GLIS3: variants seen among roughly 807,000 people sequenced by gnomAD.
The protein encoded by GLIS3 is GLIS family zinc finger 3, also known as zinc finger protein GLIS3.
In GLIS3, 53 loss-of-function variants were observed where a neutral mutation model predicts 78.6. The observed-to-expected ratio is 0.67, with a 90% CI of 0.54 to 0.85. GLIS3 has a LOEUF of 0.85. Ranked by LOEUF, GLIS3 falls within the 40% of genes least tolerant of loss-of-function variation. The pLI is 0.00. For missense variants in GLIS3, 1,703 were observed against 1,231.1 expected (o/e 1.38, Z -5.74); for synonymous variants, 684 against 509.9 (o/e 1.34, Z -4.60).
chr9:3,920,130 A>C lies in GLIS3; in HGVS notation c.1983+12230T>G, dbSNP rs569791549. Among the ~76,000 whole-genome samples, 65 of 151,284 alleles carry C rather than the reference A, an allele frequency of 4.3e-4. 1 individual carries two copies. Among genetic ancestry groups the C allele is most frequent in the Admixed American group, 1.3e-3 (20 of 15,148 alleles). On this transcript the variant is annotated intron_variant, in intron 6 of 10. Transcript: ENST00000381971. The stretch of plus-strand genomic sequence containing the variant: ...ACCATTCTCCCGCCTCAGCCTCCTG[A>C]GTAGCTGGGACTACAGGCGCCCGCC...
the GLIS3 span, among the ~76,000 whole-genome samples, chr9:4,467,543 A>T: frequency 6.6e-6 from 1 of 152,114 alleles, no homozygotes; most frequent in Non-Finnish European, 1.5e-5. Context: ...CCTCCAGCAA[A>T]CTCCAAAGGA....
chr9:4,180,302 TC>T (rs1471491475), intron 2 of GLIS3, among the ~76,000 whole-genome samples: 1 of 152,114 alleles, frequency 6.6e-6, no homozygotes, highest in African/African-American at 2.4e-5. Flanking sequence ...CCTACCCCAT[TC>T]ACATTCTTCC....
chr9:4,073,542 C>CT (rs1827792292), intron 4 of GLIS3, among the ~76,000 whole-genome samples: 1 of 152,164 alleles, frequency 6.6e-6, no homozygotes, highest in Non-Finnish European at 1.5e-5. Flanking sequence ...GTAGGCAAAG[C>CT]TAGCTAAGAA....
chr9:4,368,665 C>G, the GLIS3 span, among the ~76,000 whole-genome samples: 24 of 152,290 alleles, frequency 1.6e-4, no homozygotes, highest in African/African-American at 5.8e-4. Context: ...CAAGACCCCT[C>G]TTCTTAAGCC....
intron 6 of GLIS3, among the ~76,000 whole-genome samples, chr9:3,917,849 G>A (rs568817080): frequency 6.6e-6 from 1 of 152,202 alleles, no homozygotes; most frequent in East Asian, 1.9e-4. Flanking sequence ...CATATAATGG[G>A]AGTGAAGTGT....
intron 1 of GLIS3, among the ~76,000 whole-genome samples, chr9:4,290,882 G>A (rs1242141456): frequency 6.6e-6 from 1 of 152,114 alleles, no homozygotes; most frequent in African/African-American, 2.4e-5. Flanking sequence ...TATTGGATGT[G>A]TACAACATTA....
At chr9:4,367,779 GAAAA>G in the GLIS3 span, among the ~76,000 whole-genome samples, 8 of 151,538 alleles carry the variant, frequency 5.3e-5, no homozygotes, top group African/African-American at 1.7e-4. Flanking sequence ...TTCTAGAATG[GAAAA>G]AAAAGAAGAG....
At chr9:4,203,125 C>T (rs1819556207) in intron 2 of GLIS3, among the ~76,000 whole-genome samples, 1 of 152,076 alleles carries the variant, frequency 6.6e-6, no homozygotes, top group South Asian at 2.1e-4. Flanking sequence ...AACAATTGAA[C>T]AAGCAAAAAA....
At chr9:3,903,257 T>G (rs1823443485) in intron 6 of GLIS3, among the ~76,000 whole-genome samples, 1 of 152,220 alleles carries the variant, frequency 6.6e-6, no homozygotes, top group Non-Finnish European at 1.5e-5. Context: ...GAGGCTCATT[T>G]CTTAAAAACA....
intron 2 of GLIS3, among the ~76,000 whole-genome samples, chr9:4,313,345 A>G (rs929385543): frequency 1.3e-5 from 2 of 152,118 alleles, no homozygotes; most frequent in African/African-American, 4.8e-5. Flanking sequence ...CTCTTCAGCC[A>G]TTCTGCTCAC....
intron 2 of GLIS3, among the ~76,000 whole-genome samples, chr9:4,223,655 A>C (rs2131339807): frequency 6.6e-6 from 1 of 152,174 alleles, no homozygotes; most frequent in East Asian, 1.9e-4. Context: ...ATGTGAGCAA[A>C]CAAGTTTGCT....
chr9:4,414,031 T>C, the GLIS3 span, among the ~76,000 whole-genome samples: 4 of 152,262 alleles, frequency 2.6e-5, no homozygotes, highest in South Asian at 6.2e-4. Context: ...GCCAGAACCA[T>C]GCCATATTTC....
At chr9:4,047,472 A>G (rs544321228) in intron 4 of GLIS3, among the ~76,000 whole-genome samples, 17 of 152,268 alleles carry the variant, frequency 1.1e-4, no homozygotes, top group Admixed American at 3.3e-4. Flanking sequence ...TCATTTCACT[A>G]ATTTCAAAAA....
chr9:4,187,023 G>C (rs1222588531), intron 2 of GLIS3, among the ~76,000 whole-genome samples: 1 of 152,118 alleles, frequency 6.6e-6, no homozygotes, highest in East Asian at 1.9e-4. Flanking sequence ...GTCAATTCTG[G>C]CTTTTGTTGC....
intron 4 of GLIS3, among the ~76,000 whole-genome samples, chr9:4,061,189 A>G (rs961917040): frequency 8.0e-5 from 12 of 149,892 alleles, no homozygotes; most frequent in Middle Eastern, 3.4e-3. Context: ...TACATTAGGT[A>G]TATCTCCTAA....
chr9:4,487,912 A>G, the GLIS3 span, among the ~76,000 whole-genome samples: 1,960 of 152,094 alleles, frequency 0.013, 44 homozygotes, highest in African/African-American at 0.045. Flanking sequence ...GGTTGGTCTC[A>G]AACTCCTAGC....
chr9:4,171,259 T>G (rs916419679), intron 2 of GLIS3, among the ~76,000 whole-genome samples: 1 of 152,182 alleles, frequency 6.6e-6, no homozygotes, highest in African/African-American at 2.4e-5. Flanking sequence ...AAGGTTCTAT[T>G]TATTCACTAA....
At chr9:3,928,095 C>T (rs1461414300) in intron 6 of GLIS3, among the ~76,000 whole-genome samples, 1 of 152,124 alleles carries the variant, frequency 6.6e-6, no homozygotes, top group South Asian at 2.1e-4. Flanking sequence ...GTTTGTGACT[C>T]GCTTTTAAAA....
chr9:3,931,652 C>A (rs892968105), intron 6 of GLIS3, among the ~76,000 whole-genome samples: 2 of 152,180 alleles, frequency 1.3e-5, no homozygotes, highest in African/African-American at 4.8e-5. Context: ...GGGGTTGAAG[C>A]ACAGTGCAGT....
Sources: gnomAD v4.1 joint callset for allele counts (sites outside exome capture counted in the v4.1 genomes callset) on GRCh38, gnomAD v4.1.1 for gene constraint, MANE v1.5 for transcripts, NCBI Gene and HGNC (gene_info 2026-07-23, HGNC 2026-07-21) for gene names.